SEPTIN9: variants seen among roughly 807,000 people sequenced by gnomAD.
SEPTIN9 encodes the protein septin 9.
In SEPTIN9, 13 loss-of-function variants were observed where a neutral mutation model predicts 56.6. That is an observed-to-expected ratio of 0.23 (90% CI 0.15 to 0.37). The LOEUF (loss-of-function observed/expected upper bound fraction) is 0.37. Ranked by LOEUF, SEPTIN9 falls within the 10% of genes least tolerant of loss-of-function variation. The pLI, the probability that SEPTIN9 is intolerant of heterozygous loss-of-function variation, is 1.00. For missense variants in SEPTIN9, 650 were observed against 823.1 expected, an observed-to-expected ratio of 0.79 and a Z score of 2.57; for synonymous variants, 332 against 334.1, an observed-to-expected ratio of 0.99 and a Z score of 0.07.
At chr17:77,288,455 C>T (rs1715467) in intron 1 of SEPTIN9, among the ~76,000 whole-genome samples, 90,982 of 152,142 alleles carry the variant, frequency 0.6, 29,592 homozygotes, top group South Asian at 0.75. Context: ...AGATGGGCCC[C>T]GGGTGAGTGT....
intron 2 of SEPTIN9, among the ~76,000 whole-genome samples, chr17:77,357,555 A>G (rs577843163): frequency 1.3e-5 from 2 of 152,108 alleles, no homozygotes; most frequent in Non-Finnish European, 2.9e-5. Flanking sequence ...AAGTAATTTC[A>G]GGTCATCCTG....
chr17:77,294,590 T>G (rs200759716), intron 1 of SEPTIN9: 2 of 41,974 alleles, frequency 4.8e-5, no homozygotes, highest in Non-Finnish European at 1.6e-4. Flanking sequence ...TGTTTTTTTC[T>G]TTTTTTTTAA....
intron 2 of SEPTIN9, among the ~76,000 whole-genome samples, chr17:77,336,831 C>A (rs1372744675): frequency 2.6e-5 from 4 of 151,778 alleles, no homozygotes; most frequent in Admixed American, 2.6e-4. Context: ...TCATATATGA[C>A]CTTTGTCAGA....
At chr17:77,491,708 A>G (rs1020480434) in intron 8 of SEPTIN9, among the ~76,000 whole-genome samples, 3 of 147,738 alleles carry the variant, frequency 2.0e-5, no homozygotes, top group Non-Finnish European at 4.5e-5. Flanking sequence ...TGGGAGGCTG[A>G]GGCAGGAGAA....
chr17:77,429,289 C>T lies in SEPTIN9; in HGVS notation c.721+26586C>T, dbSNP rs748427074. 1.7e-5 allele frequency: 8 copies of T among 471,120 alleles called. No individual in the cohort carries two copies. Among genetic ancestry groups the T allele is most frequent in the African/African-American group, 4.0e-5 (2 of 50,098 alleles). The allele number at this position is 471,120 out of a possible 1,614,324, so 29.2% of individuals were successfully genotyped here. ...ACCGTAATTTTGATGGTGCCGATGC[C>T]GTCAGCACGCAGGCCTCCTGCCCTC... On this transcript the variant is annotated intron_variant, in intron 3 of 11. Transcript: ENST00000427177. The surrounding 1 kb of genome is among the most constrained non-coding windows in gnomAD (Gnocchi z 5.2).
chr17:77,454,063 G>A, intron 3 of SEPTIN9: 1 of 985,554 alleles, frequency 1.0e-6, no homozygotes, highest in Non-Finnish European at 1.2e-6. Flanking sequence ...GGGAGTGTGG[G>A]AAGAGGGCTT....
intron 4 of SEPTIN9, among the ~76,000 whole-genome samples, chr17:77,485,629 C>T (rs780690334): frequency 1.2e-4 from 18 of 151,896 alleles, no homozygotes; most frequent in Non-Finnish European, 1.6e-4. Flanking sequence ...TCTAAGGTGT[C>T]GTGGCTGGAA....
At position 77,494,594 on chromosome 17, in the gene SEPTIN9, T is replaced by C. The variant is rs139219596; in HGVS notation, c.1573+1518T>C. ...AGCTGTTGCTCTAAAAAAATGGTCA[T>C]AATGACAATTACCAGGAGGCATCAG... On this transcript the variant is annotated intron_variant, in intron 10 of 11. Coordinates refer to ENST00000427177, the MANE Select transcript of SEPTIN9 (RefSeq NM_001113491.2). 9.0e-3 allele frequency among the ~76,000 whole-genome samples: 1,370 copies of C among 152,304 alleles called. 17 individuals carry two copies. The highest frequency in any genetic ancestry group is 0.031 in the African/African-American group (1,292 of 41,552).
At chr17:77,376,414 G>C (rs1423401467) in intron 2 of SEPTIN9, 23 of 985,292 alleles carry the variant, frequency 2.3e-5, no homozygotes, top group Non-Finnish European at 2.7e-5. Flanking sequence ...CCGAAAGGGT[G>C]GGGAGGAAAC....
chr17:77,444,373 A>G (rs764972273), intron 3 of SEPTIN9, among the ~76,000 whole-genome samples: 5 of 151,914 alleles, frequency 3.3e-5, no homozygotes, highest in Non-Finnish European at 7.4e-5. Context: ...GGGAGCAGTC[A>G]TAGGGTGGAA....
At chr17:77,356,149 A>G (rs2034229860) in intron 2 of SEPTIN9, among the ~76,000 whole-genome samples, 1 of 152,066 alleles carries the variant, frequency 6.6e-6, no homozygotes, top group South Asian at 2.1e-4. Flanking sequence ...GACTCAGGGA[A>G]AGTCACGTTT....
intron 2 of SEPTIN9, among the ~76,000 whole-genome samples, chr17:77,364,457 T>C (rs77999875): frequency 0.021 from 3,193 of 152,354 alleles, 138 homozygotes; most frequent in East Asian, 0.19. Flanking sequence ...CCACACACAT[T>C]TGGCTGTGAA....
intron 2 of SEPTIN9, chr17:77,376,460 G>GGGTTCCTGA (rs2034924047): frequency 7.4e-6 from 7 of 943,760 alleles, no homozygotes; most frequent in Non-Finnish European, 8.8e-6. Context: ...GGTGGCCCCA[G>GGGTTCCTGA]GGTTCCTGAG....
rs1379099926 is a variant in SEPTIN9 at position 77,319,025 on chromosome 17, G to A, written c.76+11828G>A. 6.6e-6 allele frequency among the ~76,000 whole-genome samples: 1 copy of A among 152,246 alleles called. No individual in the cohort carries two copies. Among genetic ancestry groups the A allele is most frequent in the African/African-American group, 2.4e-5 (1 of 41,456 alleles). ...GGCCAGGCAGGAAGGCTTCCGTGGT[G>A]CGGCCACGCGTCCTCCCTTTCTCAA... is the stretch of plus-strand genomic sequence containing the variant. On this transcript the variant is annotated intron_variant, in intron 2 of 11. Transcript: ENST00000427177. The surrounding 1 kb of genome is among the most constrained non-coding windows in gnomAD (Gnocchi z 5.3).
At chr17:77,417,642 C>A (rs1336814209) in intron 3 of SEPTIN9, among the ~76,000 whole-genome samples, 1 of 152,202 alleles carries the variant, frequency 6.6e-6, no homozygotes, top group African/African-American at 2.4e-5. Context: ...TTCCTGAGGA[C>A]TTTATACCAG....
intron 3 of SEPTIN9, among the ~76,000 whole-genome samples, chr17:77,406,358 C>T (rs188375761): frequency 2.6e-4 from 40 of 152,284 alleles, no homozygotes; most frequent in African/African-American, 9.1e-4. Flanking sequence ...TGGTGAACTC[C>T]TATGCATCCC....
In SEPTIN9 at chr17:77,402,417, G is replaced by C. The variant is rs766609199; in HGVS notation, c.435G>C (p.Pro145=). 1.2e-6 allele frequency: 2 copies of C among 1,610,862 alleles called. No individual in the cohort carries two copies. The highest frequency in any genetic ancestry group is 1.7e-6 in the Non-Finnish European group (2 of 1,179,040). Residue 145 remains proline (P), a synonymous_variant, in exon 3 of 12, where the codon CCG becomes CCC. Coordinates refer to ENST00000427177, the MANE Select transcript of SEPTIN9 (RefSeq NM_001113491.2). This position sits in a 1 kb window ranked among gnomAD's most constrained non-coding sequence, Gnocchi z 6.6. ...AEVLGHKTPE[P]APRRTEITIV... ...TGTTGGGCCACAAGACGCCAGAACC[G>C]GCCCCTCGGAGGACGGAGATCACCA...
At chr17:77,358,793 C>T (rs893923337) in intron 2 of SEPTIN9, among the ~76,000 whole-genome samples, 1 of 152,166 alleles carries the variant, frequency 6.6e-6, no homozygotes, top group East Asian at 1.9e-4. Flanking sequence ...AAAGATGAGA[C>T]CCCTGCCCTG....
At chr17:77,482,799 T>G in intron 4 of SEPTIN9, 1 of 541,622 alleles carries the variant, frequency 1.8e-6, no homozygotes. Context: ...CCACACCCCC[T>G]GGTGGCCCCG....
Sources: gnomAD v4.1 joint callset for allele counts (sites outside exome capture counted in the v4.1 genomes callset) on GRCh38, gnomAD v4.1.1 for gene constraint, Gnocchi (gnomAD v3.1) non-coding constraint, MANE v1.5 for transcripts, NCBI Gene and HGNC (gene_info 2026-07-23, HGNC 2026-07-21) for gene names.